WDFY4: variants seen among roughly 807,000 people sequenced by gnomAD.
The protein encoded by WDFY4 is WDFY family member 4.
Under a neutral mutation model 351.9 loss-of-function variants are expected in WDFY4, and 169 were observed. The observed-to-expected ratio is 0.48, with a 90% CI of 0.42 to 0.55. The LOEUF (loss-of-function observed/expected upper bound fraction) is 0.55, where lower values mean the gene tolerates loss of function less well. WDFY4 is among the 20% of genes least tolerant of loss of function. The pLI, the probability that WDFY4 is intolerant of heterozygous loss-of-function variation, is 0.00. For synonymous variants in WDFY4, 1,622 were observed against 1,574.6 expected (o/e 1.03, Z -0.71); for missense variants, 3,803 against 3,935.6 (o/e 0.97, Z 0.90).
chr10:48,818,897 G>A (rs1168590778), intron 32 of WDFY4, among the ~76,000 whole-genome samples: 1 of 152,232 alleles, frequency 6.6e-6, no homozygotes, highest in African/African-American at 2.4e-5. Flanking sequence ...CAGGCAGCCT[G>A]GCCAGGGAGA....
At chr10:48,704,755 A>G (rs546948807) in intron 1 of WDFY4, among the ~76,000 whole-genome samples, 5 of 152,314 alleles carry the variant, frequency 3.3e-5, no homozygotes, top group South Asian at 4.1e-4. Flanking sequence ...CCGACTGGCG[A>G]AGGGACCCTG....
chr10:48,736,880 C>T (rs937043354), intron 11 of WDFY4, among the ~76,000 whole-genome samples: 3 of 152,104 alleles, frequency 2.0e-5, no homozygotes, highest in Non-Finnish European at 4.4e-5. Flanking sequence ...AAACACGGGG[C>T]ACAAAGGGAC....
At chr10:48,896,405 GC>G (rs1837078957) in intron 44 of WDFY4, among the ~76,000 whole-genome samples, 1 of 152,182 alleles carries the variant, frequency 6.6e-6, no homozygotes, top group Non-Finnish European at 1.5e-5. Flanking sequence ...TCAGCTGAGA[GC>G]CAGATAGCTC....
intron 39 of WDFY4, among the ~76,000 whole-genome samples, chr10:48,835,839 T>C: frequency 6.6e-6 from 1 of 152,246 alleles, no homozygotes; most frequent in Non-Finnish European, 1.5e-5. Context: ...CACATTATTT[T>C]GGAAACAAGG....
At chr10:48,818,682 C>T (rs1273741403) in intron 32 of WDFY4, among the ~76,000 whole-genome samples, 1 of 151,928 alleles carries the variant, frequency 6.6e-6, no homozygotes, top group Non-Finnish European at 1.5e-5. Flanking sequence ...AATTAAATGG[C>T]CAAATAAACT....
rs1043366949 is a variant in WDFY4 at position 48,830,881 on chromosome 10, C to T, written c.6522C>T (p.Tyr2174=). ...CGATGCTCAAGGCCTGGCAGCATTACTTAGGTCTCTATCCACTCGGCTCCA... is the reference window on the plus strand; with the variant it reads ...CGATGCTCAAGGCCTGGCAGCATTATTTAGGTCTCTATCCACTCGGCTCCA... The part of the protein sequence containing the change: ...EETMLKAWQH[Y]LASEKKSLAS... The change falls in exon 38 of 62, where the codon TAC becomes TAT. Residue 2174 remains tyrosine, a synonymous_variant. Coordinates refer to ENST00000325239, the MANE Select transcript of WDFY4 (RefSeq NM_001394531.1). The T allele has an allele frequency of 5.2e-6, 8 of 1,550,812 alleles. No individual in the cohort carries two copies. Among genetic ancestry groups the T allele is most frequent in the East Asian group, 4.9e-5 (2 of 40,920 alleles).
chr10:48,758,200 T>C (rs1027371019), intron 12 of WDFY4, among the ~76,000 whole-genome samples: 9 of 152,184 alleles, frequency 5.9e-5, no homozygotes, highest in African/African-American at 2.2e-4. Context: ...CATGTGGATA[T>C]GGAATTCTGT....
chr10:48,895,259 T>G (rs12254094), intron 44 of WDFY4, among the ~76,000 whole-genome samples: 8,432 of 152,300 alleles, frequency 0.055, 787 homozygotes, highest in African/African-American at 0.19. Flanking sequence ...TGTGACTGCT[T>G]GGCCTCTCTC....
intron 1 of WDFY4, among the ~76,000 whole-genome samples, chr10:48,697,995 A>G (rs887189747): frequency 2.6e-5 from 4 of 152,066 alleles, no homozygotes; most frequent in African/African-American, 9.7e-5. Context: ...CCATGGCCCC[A>G]TGCACATTTG....
Position 48,776,464 on chromosome 10 carries a change from CA to C in WDFY4, c.2864-285del, listed in dbSNP as rs148904896. On this transcript the variant is annotated intron_variant, in intron 15 of 61. Transcript: ENST00000325239. ...TAACTCCAATGGGGCAAGCCAGAGA[CA>C]GAGGTGGCAGCAGTAGAATGTGCTA... is the stretch of plus-strand genomic sequence containing the variant. 4.9e-3 allele frequency among the ~76,000 whole-genome samples: 752 copies of C among 152,272 alleles called. 8 individuals are homozygous for C. The highest frequency in any genetic ancestry group is 0.017 in the African/African-American group (723 of 41,546).
Position 48,946,991 on chromosome 10 carries a change from T to TACACAC in WDFY4, c.7977+46_7977+51dup, listed in dbSNP as rs57927796. ...GCAGGTGAGCTGCTGCCACTCTCTGTACACACACACACACACACACACACA... is the reference window on the plus strand; with the variant it reads ...GCAGGTGAGCTGCTGCCACTCTCTGTACACACACACACACACACACACACACACACA... On this transcript the variant is annotated intron_variant, in intron 51 of 61. Coordinates refer to ENST00000325239, the MANE Select transcript of WDFY4 (RefSeq NM_001394531.1). The TACACAC allele has an allele frequency of 0.011, 12,220 of 1,099,634 alleles. 365 individuals are homozygous for TACACAC. The African/African-American group carries it at 0.12, about 11-fold the overall frequency. The allele number at this position is 1,099,634 out of a possible 1,614,324, so 68.1% of individuals were successfully genotyped here.
intron 40 of WDFY4, among the ~76,000 whole-genome samples, chr10:48,870,116 A>G (rs1427390935): frequency 2.0e-5 from 3 of 152,248 alleles, no homozygotes; most frequent in East Asian, 3.9e-4. Flanking sequence ...GATTATAGAG[A>G]CTTGGGTGAA....
At position 48,860,983 on chromosome 10, in the gene WDFY4, T is replaced by C. The variant is rs142417290; in HGVS notation, c.6664-6282T>C. Among the ~76,000 whole-genome samples the C allele has an allele frequency of 9.5e-3, 1,443 of 152,278 alleles. 20 individuals carry two copies. The highest frequency in any genetic ancestry group is 0.033 in the African/African-American group (1,357 of 41,570). On this transcript the variant is annotated intron_variant, in intron 39 of 61. Coordinates refer to ENST00000325239, the MANE Select transcript of WDFY4 (RefSeq NM_001394531.1). ...GAGCAATTGAAAAGAATGTGTGTTG[T>C]CTTGTTGGGTGAAGTTGGCTACCAA...
intron 2 of WDFY4, among the ~76,000 whole-genome samples, chr10:48,718,009 C>T (rs2063963012): frequency 6.6e-6 from 1 of 151,960 alleles, no homozygotes; most frequent in Admixed American, 6.5e-5. Flanking sequence ...GATACTCTGT[C>T]AGTAGCACAT....
chr10:48,796,430 C>T lies in WDFY4; in HGVS notation c.4390C>T (p.His1464Tyr), dbSNP rs768013146. 3.9e-6 allele frequency: 6 copies of T among 1,551,672 alleles called. No individual in the cohort carries two copies. The South Asian group carries it at 7.1e-5, about 18-fold the overall frequency. The change falls in exon 24 of 62, where the codon CAC becomes TAC. Residue 1464 changes from histidine (H) to tyrosine (Y), a missense_variant. By Grantham distance (83) the His-to-Tyr change is moderately conservative (BLOSUM62 2). Around this residue, in one of 3 missense-constraint regions of WDFY4, gnomAD observed 3,054 missense variants for 3,148.6 expected, o/e 0.97. Coordinates refer to ENST00000325239, the MANE Select transcript of WDFY4 (RefSeq NM_001394531.1). ...TATCACCAACACTGGTGTCTTCCAG[C>T]ACATCCTCTGCAATTTCGAGGTAAA... ...SAITNTGVFQHILCNFELWMN... is the reference protein window; with the variant it reads ...SAITNTGVFQYILCNFELWMN...
At chr10:48,967,319 C>T (rs1025169823) in intron 55 of WDFY4, 2 of 152,196 alleles carry the variant, frequency 1.3e-5, no homozygotes, top group South Asian at 2.1e-4. Context: ...ATAAATGAGC[C>T]TGCAGAGAGT....
At chr10:48,798,007 G>C (rs758491908) in intron 24 of WDFY4, among the ~76,000 whole-genome samples, 1 of 152,172 alleles carries the variant, frequency 6.6e-6, no homozygotes, top group Non-Finnish European at 1.5e-5. Context: ...CTGAGGCAAG[G>C]GTAGTGGGAT....
At chr10:48,826,281 T>C (rs1565243332) in intron 35 of WDFY4, among the ~76,000 whole-genome samples, 1 of 152,214 alleles carries the variant, frequency 6.6e-6, no homozygotes, top group Non-Finnish European at 1.5e-5. Context: ...TGTGGTCTTA[T>C]ATCTGAGTTC....
chr10:48,803,144 T>C, intron 24 of WDFY4, 142 bp from the exon 25 acceptor site: 1 of 782,044 alleles, frequency 1.3e-6, no homozygotes, highest in Non-Finnish European at 2.1e-6. Context: ...TCAGGACAGC[T>C]GATCTGATTC....
Sources: allele counts gnomAD v4.1 joint callset (sites outside exome capture counted in the v4.1 genomes callset), GRCh38; gene constraint gnomAD v4.1.1; regional missense constraint gnomAD v4.1.1; transcripts MANE v1.5; gene names NCBI Gene and HGNC (gene_info 2026-07-23, HGNC 2026-07-21).